The following AP2A2 variants were observed in gnomAD, a reference collection of about 807,000 sequenced individuals.
AP2A2 encodes AP-2 complex subunit alpha-2.
A neutral mutation model predicts 104.2 loss-of-function variants in AP2A2; 32 were observed. That is an observed-to-expected ratio of 0.31 (90% CI 0.23 to 0.41). AP2A2 has a LOEUF of 0.41. Ranked by LOEUF, AP2A2 falls within the 10% of genes least tolerant of loss-of-function variation. The pLI is 1.00. For missense variants in AP2A2, 912 were observed against 1,261.0 expected (o/e 0.72, Z 4.19); for synonymous variants, 539 against 533.3 (o/e 1.01, Z -0.15).
Position 994,168 on chromosome 11 carries a change from C to G in AP2A2, c.1879C>G (p.Leu627Val), listed in dbSNP as rs373049886. The change falls in exon 14 of 22, where the codon CTG becomes GTG. Residue 627 changes from leucine (L) to valine (V), a missense_variant. By Grantham distance (32) the Leu-to-Val change is conservative (BLOSUM62 1). This residue lies in a region of AP2A2 where 105 missense variants were observed against 90.9 expected (regional missense o/e 1.16). Transcript: ENST00000448903. ...GAAGGGCCCCAGCACGGTGACAGAC[C>G]TGGAGGACACCAAGCGGGACAGGAG... is the stretch of plus-strand genomic sequence containing the variant. ...KKKGPSTVTD[L>V]EDTKRDRSVD... 1.2e-6 allele frequency: 2 copies of G among 1,613,104 alleles called. No individual in the cohort carries two copies. Among genetic ancestry groups the G allele is most frequent in the Non-Finnish European group, 1.7e-6 (2 of 1,179,860 alleles).
chr11:983,435 T>G (rs535834117), intron 6 of AP2A2, among the ~76,000 whole-genome samples: 2 of 151,814 alleles, frequency 1.3e-5, no homozygotes, highest in Non-Finnish European at 2.9e-5. Flanking sequence ...CAGGCTGGAG[T>G]GCAGTGGCAC....
chr11:977,715 C>A (rs4074234), intron 5 of AP2A2, among the ~76,000 whole-genome samples: 1 of 151,388 alleles, frequency 6.6e-6, no homozygotes. Flanking sequence ...GTGTGTGAGC[C>A]TCAGGGGCTT....
chr11:933,287 A>G (rs995853416), intron 1 of AP2A2, among the ~76,000 whole-genome samples: 2 of 151,872 alleles, frequency 1.3e-5, no homozygotes, highest in Admixed American at 1.3e-4. Flanking sequence ...CAAACAAAAA[A>G]CCCCAGAAAT....
At chr11:961,331 G>A (rs1407247219) in intron 2 of AP2A2, among the ~76,000 whole-genome samples, 1 of 149,086 alleles carries the variant, frequency 6.7e-6, no homozygotes, top group African/African-American at 2.5e-5. Context: ...ATGGAGATGT[G>A]GGTCTGACAG....
At chr11:983,255 A>G (rs1228046512) in intron 6 of AP2A2, among the ~76,000 whole-genome samples, 11 of 151,640 alleles carry the variant, frequency 7.3e-5, no homozygotes, top group Non-Finnish European at 2.9e-5. Flanking sequence ...CCCGACCTCA[A>G]GTGATTGATT....
In AP2A2 at chr11:981,229, C is replaced by T. The variant is rs1346966410; in HGVS notation, c.635C>T (p.Thr212Ile). 1 of 1,613,574 alleles carries T rather than the reference C, an allele frequency of 6.2e-7. No individual in the cohort carries two copies. The highest frequency in any genetic ancestry group is 2.2e-5 in the East Asian group (1 of 44,884). ...GTAACTGCAGCCACAAGTCTGATCACCACTTTAGCACAGAAGAACCCAGAA... is the reference window on the plus strand; with the variant it reads ...GTAACTGCAGCCACAAGTCTGATCATCACTTTAGCACAGAAGAACCCAGAA... ...GVVTAATSLI[T>I]TLAQKNPEEF... Residue 212 changes from threonine (T) to isoleucine (I), a missense_variant, in exon 6 of 22, where the codon ACC (threonine) becomes ATC (isoleucine). Physicochemically the swap from Thr to Ile is moderately conservative, Grantham distance 89 (BLOSUM62 -1). Around this residue, in one of 7 missense-constraint regions of AP2A2, gnomAD observed 350 missense variants for 487.0 expected, o/e 0.72. Coordinates refer to ENST00000448903, the MANE Select transcript of AP2A2 (RefSeq NM_012305.4).
intron 17 of AP2A2, chr11:1,007,575 G>C (rs961147342): frequency 9.3e-5 from 20 of 215,592 alleles, no homozygotes; most frequent in African/African-American, 1.2e-4. Flanking sequence ...GCAAACCCTT[G>C]TTTTCCAGCA....
rs1590023507 is a variant in AP2A2, at chr11:1,007,858, A to G, written c.2297-154A>G. On this transcript the variant is annotated intron_variant, in intron 17 of 21. Coordinates refer to ENST00000448903, the MANE Select transcript of AP2A2 (RefSeq NM_012305.4). Reference sequence around the variant, plus strand: ...TTGAGGATTGTCTGGGTGGAAGGGCAGGGCCGGGTGGTGTGGCTGCCCTCG... The same window carrying G: ...TTGAGGATTGTCTGGGTGGAAGGGCGGGGCCGGGTGGTGTGGCTGCCCTCG... 4 of 1,015,814 alleles carry G rather than the reference A, an allele frequency of 3.9e-6. No homozygotes were observed. In the East Asian group the frequency reaches 7.9e-5, roughly 20 times the overall value. 62.9% of individuals were successfully genotyped at this position (1,015,814 alleles called of 1,614,324 possible). A position where few individuals can be genotyped will look rare whatever the true frequency, so the allele number is the denominator to read the frequency against.
intron 2 of AP2A2, among the ~76,000 whole-genome samples, chr11:965,422 A>G (rs1211195255): frequency 4.6e-5 from 7 of 152,250 alleles, no homozygotes; most frequent in Admixed American, 2.0e-4. Flanking sequence ...TTTGCCATCA[A>G]GAAGACTGTA....
intron 14 of AP2A2, among the ~76,000 whole-genome samples, chr11:1,000,196 T>C (rs949803871): frequency 1.3e-5 from 2 of 152,208 alleles, no homozygotes; most frequent in African/African-American, 2.4e-5. Flanking sequence ...TTAGTGAAAT[T>C]ATGACTGATG....
At chr11:929,277 G>A (rs940958041) in intron 1 of AP2A2, among the ~76,000 whole-genome samples, 1 of 152,270 alleles carries the variant, frequency 6.6e-6, no homozygotes, top group African/African-American at 2.4e-5. Flanking sequence ...TCATGAGAGT[G>A]AATGATAGGA....
rs900490149 is a variant in AP2A2 at position 959,145 on chromosome 11, G to T, written c.68-292G>T. On this transcript the variant is annotated intron_variant, in intron 1 of 21. Coordinates refer to ENST00000448903, the MANE Select transcript of AP2A2 (RefSeq NM_012305.4). The stretch of plus-strand genomic sequence containing the variant: ...GTAAAGAGGTAGAGTTAGAAATGGT[G>T]CTGTGGAGCACCCCCTGGGTGCGCA... Among the ~76,000 whole-genome samples, 55 of 152,204 alleles carry T rather than the reference G, an allele frequency of 3.6e-4. 1 individual carries two copies. Among genetic ancestry groups the T allele is most frequent in the Non-Finnish European group, 1.0e-4 (7 of 68,032 alleles).
intron 10 of AP2A2, 161 bp downstream of exon 10, chr11:988,850 C>T: frequency 6.9e-6 from 7 of 1,009,188 alleles, no homozygotes; most frequent in Non-Finnish European, 8.6e-6. Context: ...TCCACATTTT[C>T]AAGCTGGGTG....
intron 1 of AP2A2, among the ~76,000 whole-genome samples, chr11:929,228 T>G (rs1393660041): frequency 6.6e-6 from 1 of 152,228 alleles, no homozygotes; most frequent in African/African-American, 2.4e-5. Context: ...CCGCTTCCCC[T>G]TTCCCTGGCC....
At chr11:932,938 G>T (rs923231151) in intron 1 of AP2A2, among the ~76,000 whole-genome samples, 1 of 152,196 alleles carries the variant, frequency 6.6e-6, no homozygotes, top group African/African-American at 2.4e-5. Context: ...TGGAAAGGCT[G>T]TCAGTGAAGG....
chr11:940,881 T>C (rs1234548239), intron 1 of AP2A2: 2 of 456,078 alleles, frequency 4.4e-6, no homozygotes, highest in African/African-American at 4.0e-5. Context: ...CTCTCGACTC[T>C]CTTCTCTTGC....
rs976188416 is a variant in AP2A2, at chr11:993,110, C to T, written c.1453-174C>T. Among the ~76,000 whole-genome samples, 1 of 152,220 alleles carries T rather than the reference C, an allele frequency of 6.6e-6. No individual in the cohort carries two copies. Among genetic ancestry groups the T allele is most frequent in the Non-Finnish European group, 1.5e-5 (1 of 68,032 alleles). ...GCGTGTGGCAGCCTTGGGTTCCTTG[C>T]TGCTGACACAGGTACTGAGGGTGCT... On this transcript the variant is annotated intron_variant, in intron 11 of 21. Transcript: ENST00000448903. This position sits in a 1 kb window ranked among gnomAD's most constrained non-coding sequence, Gnocchi z 8.2.
In AP2A2 at chr11:926,040, G is replaced by T; in HGVS notation, c.19G>T (p.Gly7Trp). The T allele has an allele frequency of 7.2e-7, 1 of 1,396,744 alleles. No homozygotes were observed. Among genetic ancestry groups the T allele is most frequent in the East Asian group, 3.1e-5 (1 of 32,582 alleles). The allele number at this position is 1,396,744 out of a possible 1,614,324, so 86.5% of individuals were successfully genotyped here. ...TCGGAAGATGCCGGCCGTGTCCAAGGGGGACGGGATGCGGGGCCTGGCGGT... is the reference window on the plus strand; with the variant it reads ...TCGGAAGATGCCGGCCGTGTCCAAGTGGGACGGGATGCGGGGCCTGGCGGT... The part of the protein sequence containing the change: MPAVSK[G>W]DGMRGLAVFI... Residue 7 changes from glycine to tryptophan, a missense_variant, in exon 1 of 22, where the codon GGG becomes TGG. Physicochemically the swap from Gly to Trp is radical, Grantham distance 184. This residue lies in a region of AP2A2 where 43 missense variants were observed against 47.0 expected (regional missense o/e 0.91). Transcript: ENST00000448903.
At chr11:926,134 G>C in intron 1 of AP2A2, 46 bp downstream of exon 1, 1 of 1,211,946 alleles carries the variant, frequency 8.3e-7, no homozygotes. Flanking sequence ...GCCGCCGGCG[G>C]AGACGGGGTC....
Sources: allele counts gnomAD v4.1 joint callset (sites outside exome capture counted in the v4.1 genomes callset), GRCh38; gene constraint gnomAD v4.1.1; regional missense constraint gnomAD v4.1.1; non-coding constraint Gnocchi (gnomAD v3.1); transcripts MANE v1.5; gene names NCBI Gene and HGNC (gene_info 2026-07-23, HGNC 2026-07-21).